Variants in PTRH2 observed in about 807,000 individuals in gnomAD.
The protein encoded by PTRH2 is peptidyl-tRNA hydrolase 2, mitochondrial.
A neutral mutation model predicts 12.3 loss-of-function variants in PTRH2; 10 were observed. That is an observed-to-expected ratio of 0.81 (90% CI 0.50 to 1.38). The LOEUF is 1.38. Ranked by LOEUF, PTRH2 falls within the 40% of genes most tolerant of loss-of-function variation. PTRH2 has a pLI of 0.00. For missense variants in PTRH2, 176 were observed against 214.1 expected, an observed-to-expected ratio of 0.82 and a Z score of 1.11; for synonymous variants, 73 against 77.4, an observed-to-expected ratio of 0.94 and a Z score of 0.30.
chr17:59,704,881 G>A (rs562610580), intron 1 of PTRH2, among the ~76,000 whole-genome samples: 79 of 152,008 alleles, frequency 5.2e-4, no homozygotes, highest in African/African-American at 1.8e-3. Flanking sequence ...CTCTGCCTCC[G>A]GGTTCAAGCA....
At chr17:59,700,872 C>G (rs1450778560) in intron 1 of PTRH2, 1 of 152,004 alleles carries the variant, frequency 6.6e-6, no homozygotes. Flanking sequence ...AAGTATTCCC[C>G]CTGAGGGAAG....
rs1240734944 is a variant in PTRH2 at position 59,698,064 on chromosome 17, C to T, written c.1-86G>A. On this transcript the variant is annotated intron_variant, in intron 1 of 1. Transcript: ENST00000393038. The stretch of plus-strand genomic sequence containing the variant: ...TTATCAGAGAAACATTTTGACTATA[C>T]ACTTAATGGTCATCCAGAAAAAAGG... 5 of 1,354,958 alleles carry T rather than the reference C, an allele frequency of 3.7e-6. No individual in the cohort carries two copies. In the African/African-American group the frequency reaches 5.8e-5, roughly 16 times the overall value. The allele number at this position is 1,354,958 out of a possible 1,614,324, so 83.9% of individuals were successfully genotyped here.
At position 59,697,750 on chromosome 17, in the gene PTRH2, T is replaced by C. The variant is rs1044400035; in HGVS notation, c.229A>G (p.Met77Val). 1 of 1,614,074 alleles carries C rather than the reference T, an allele frequency of 6.2e-7. No individual in the cohort carries two copies. The highest frequency in any genetic ancestry group is 1.3e-5 in the African/African-American group (1 of 74,934). ...TGGGCAGCCACTTTCCCTTTTCCCA[T>C]CTTTAAGTCATTTCGAACCACAAGA... ...MILVVRNDLKMGKGKVAAQCS... is the reference protein window; with the variant it reads ...MILVVRNDLKVGKGKVAAQCS... The change falls in exon 2 of 2, where the codon ATG becomes GTG. Residue 77 changes from methionine to valine, a missense_variant. Physicochemically the swap from Met to Val is conservative, Grantham distance 21. Transcript: ENST00000393038.
intron 1 of PTRH2, among the ~76,000 whole-genome samples, chr17:59,703,652 C>A (rs2033592776): frequency 6.6e-6 from 1 of 151,402 alleles, no homozygotes; most frequent in Non-Finnish European, 1.5e-5. Context: ...TTACAGACAC[C>A]CGCCACTACA....
chr17:59,699,734 G>T (rs566941051), intron 1 of PTRH2: 1 of 153,128 alleles, frequency 6.5e-6, no homozygotes, highest in Non-Finnish European at 1.5e-5. Context: ...CCCTTAAGAT[G>T]GTTGAAATCG....
At chr17:59,702,773 G>A (rs1293637470) in intron 1 of PTRH2, among the ~76,000 whole-genome samples, 1 of 152,072 alleles carries the variant, frequency 6.6e-6, no homozygotes, top group East Asian at 1.9e-4. Context: ...TAAGCTTTTT[G>A]GCTTTACAAT....
chr17:59,702,407 G>C (rs772845099), intron 1 of PTRH2, among the ~76,000 whole-genome samples: 2 of 152,204 alleles, frequency 1.3e-5, no homozygotes, highest in Non-Finnish European at 2.9e-5. Flanking sequence ...ACTCGCATGA[G>C]AATCTAATGC....
chr17:59,700,128 C>A (rs2033529568), intron 1 of PTRH2: 1 of 152,200 alleles, frequency 6.6e-6, no homozygotes, highest in African/African-American at 2.4e-5. Flanking sequence ...TCTTTCACAC[C>A]ATCCTAAAGT....
At chr17:59,698,238 ACT>A (rs1311163776) in intron 1 of PTRH2, 16 of 487,730 alleles carry the variant, frequency 3.3e-5, no homozygotes, top group East Asian at 2.4e-4. Flanking sequence ...AAGTTCAAAA[ACT>A]CTATTCCTCA....
At chr17:59,698,216 C>G in intron 1 of PTRH2, 1 of 522,690 alleles carries the variant, frequency 1.9e-6, no homozygotes, top group Non-Finnish European at 3.4e-6. Context: ...TTGATGTAAA[C>G]GAAGTTGCAT....
At chr17:59,702,045 A>C (rs555499597) in intron 1 of PTRH2, among the ~76,000 whole-genome samples, 2 of 152,182 alleles carry the variant, frequency 1.3e-5, no homozygotes, top group South Asian at 4.1e-4. Context: ...CAATACTTTG[A>C]CATGTATTGT....
intron 1 of PTRH2, among the ~76,000 whole-genome samples, chr17:59,706,979 T>C (rs2033688719): frequency 6.6e-6 from 1 of 152,102 alleles, no homozygotes; most frequent in Non-Finnish European, 1.5e-5. Context: ...GGCCCCAAAT[T>C]TTCGACTATA....
At chr17:59,698,007 A>G (rs567934806) in intron 1 of PTRH2, 29 bp from the exon 2 acceptor site, 2 of 1,590,742 alleles carry the variant, frequency 1.3e-6, no homozygotes, top group South Asian at 1.1e-5. Context: ...AGTTATCACT[A>G]TCCGGCAGTA....
intron 1 of PTRH2, among the ~76,000 whole-genome samples, chr17:59,704,471 C>G (rs1327649004): frequency 2.0e-5 from 3 of 152,108 alleles, no homozygotes; most frequent in African/African-American, 7.2e-5. Context: ...AAGGTCTGGG[C>G]TGGAAATATA....
chr17:59,698,206 T>C (rs1598256798), intron 1 of PTRH2: 3 of 542,106 alleles, frequency 5.5e-6, no homozygotes, highest in East Asian at 5.9e-5. Flanking sequence ...ATTTTGAATC[T>C]TGATGTAAAC....
chr17:59,698,126 T>G, intron 1 of PTRH2, 148 bp from the exon 2 acceptor site: 1 of 736,462 alleles, frequency 1.4e-6, no homozygotes, highest in South Asian at 1.9e-5. Context: ...GCACCCTGTT[T>G]CCAACACCCT....
At chr17:59,698,555 C>T in intron 1 of PTRH2, 1 of 279,066 alleles carries the variant, frequency 3.6e-6, no homozygotes, top group Non-Finnish European at 6.8e-6. Context: ...GAGATGAGAA[C>T]TCAACATCAT....
chr17:59,704,140 C>T (rs1371630197), intron 1 of PTRH2, among the ~76,000 whole-genome samples: 3 of 152,144 alleles, frequency 2.0e-5, no homozygotes, highest in Admixed American at 2.0e-4. Flanking sequence ...TATATCAGGC[C>T]TCTCCCAGCA....
chr17:59,705,003 G>C (rs1052174555), intron 1 of PTRH2, among the ~76,000 whole-genome samples: 1 of 152,108 alleles, frequency 6.6e-6, no homozygotes, highest in African/African-American at 2.4e-5. Context: ...GGCCAGGCTG[G>C]TCTCGAACTC....
Sources: allele counts gnomAD v4.1 joint callset (sites outside exome capture counted in the v4.1 genomes callset), GRCh38; gene constraint gnomAD v4.1.1; transcripts MANE v1.5; gene names NCBI Gene and HGNC (gene_info 2026-07-23, HGNC 2026-07-21).